Variants in IHO1 observed in about 807,000 individuals in gnomAD.
IHO1 encodes interactor of HORMAD1 protein 1.
Under a neutral mutation model 31.0 loss-of-function variants are expected in IHO1, and 13 were observed. That is an observed-to-expected ratio of 0.42 (90% CI 0.27 to 0.67). IHO1 has a LOEUF of 0.67. IHO1 is among the 30% of genes least tolerant of loss of function. IHO1 has a pLI of 0.24. For missense variants in IHO1, 599 were observed against 687.5 expected, an observed-to-expected ratio of 0.87 and a Z score of 1.44; for synonymous variants, 221 against 248.4, an observed-to-expected ratio of 0.89 and a Z score of 1.04.
At chr3:49,250,894 G>A (rs1169654578) in intron 6 of IHO1, among the ~76,000 whole-genome samples, 3 of 151,922 alleles carry the variant, frequency 2.0e-5, no homozygotes, top group Non-Finnish European at 4.4e-5. Context: ...GCCGGGCGTG[G>A]TGGCGCATGC....
chr3:49,242,403 C>T (rs943845870), intron 4 of IHO1, among the ~76,000 whole-genome samples: 1 of 152,076 alleles, frequency 6.6e-6, no homozygotes, highest in Non-Finnish European at 1.5e-5. Context: ...GCTGGGATTA[C>T]AGGCATGAGC....
chr3:49,237,715 C>T (rs1434995703), intron 3 of IHO1, among the ~76,000 whole-genome samples: 1 of 151,458 alleles, frequency 6.6e-6, no homozygotes, highest in Admixed American at 6.6e-5. Flanking sequence ...TTTAGACAGA[C>T]TTTTTTAAAT....
chr3:49,251,896 T>C (rs2046765136), intron 6 of IHO1, among the ~76,000 whole-genome samples: 1 of 151,416 alleles, frequency 6.6e-6, no homozygotes, highest in African/African-American at 2.4e-5. Context: ...CTACCGTGCC[T>C]GGCCTACTTA....
At chr3:49,221,010 C>G (rs2046349074) in intron 2 of IHO1, among the ~76,000 whole-genome samples, 1 of 152,248 alleles carries the variant, frequency 6.6e-6, no homozygotes, top group Non-Finnish European at 1.5e-5. Flanking sequence ...TGGCCCTGCC[C>G]ACATTCTGCT....
At chr3:49,234,197 G>A (rs765582066) in intron 2 of IHO1, among the ~76,000 whole-genome samples, 30 of 107,706 alleles carry the variant, frequency 2.8e-4, no homozygotes, top group Non-Finnish European at 5.2e-4. Context: ...TTTTTTTGAC[G>A]GAGTCACTCT....
chr3:49,229,977 G>A (rs1310540080), intron 2 of IHO1, among the ~76,000 whole-genome samples: 2 of 152,274 alleles, frequency 1.3e-5, no homozygotes, highest in East Asian at 3.9e-4. Flanking sequence ...GGGACTAGGA[G>A]AAAATTTGCA....
At chr3:49,246,403 G>T (rs538584601) in intron 6 of IHO1, among the ~76,000 whole-genome samples, 1 of 152,242 alleles carries the variant, frequency 6.6e-6, no homozygotes, top group South Asian at 2.1e-4. Flanking sequence ...CCAGCACTTT[G>T]GGAGGCTAAG....
chr3:49,203,309 A>C (rs2046093937), intron 1 of IHO1, among the ~76,000 whole-genome samples: 1 of 152,208 alleles, frequency 6.6e-6, no homozygotes, highest in African/African-American at 2.4e-5. Context: ...GGAAAACAAC[A>C]GTGAGGAGCC....
intron 1 of IHO1, chr3:49,199,869 G>A (rs1333682502): frequency 6.6e-6 from 1 of 152,286 alleles, no homozygotes; most frequent in Admixed American, 6.5e-5. Context: ...AGTGAGACCG[G>A]GTACGCCCCG....
the IHO1 span, among the ~76,000 whole-genome samples, chr3:49,192,291 T>G: frequency 6.6e-6 from 1 of 152,090 alleles, no homozygotes; most frequent in African/African-American, 2.4e-5. Context: ...AGGTGAAATG[T>G]TACAAGGGCC....
intron 4 of IHO1, 150 bp from the exon 5 acceptor site, chr3:49,244,254 A>G (rs1479739623): frequency 1.7e-6 from 1 of 604,366 alleles, no homozygotes; most frequent in Non-Finnish European, 2.9e-6. Flanking sequence ...CTGGGCACTA[A>G]GGTTTCTCAG....
At chr3:49,220,825 G>A (rs1022392659) in intron 2 of IHO1, among the ~76,000 whole-genome samples, 8 of 152,120 alleles carry the variant, frequency 5.3e-5, no homozygotes, top group Admixed American at 1.3e-4. Flanking sequence ...CTGAGATAGC[G>A]CCACTGTACT....
chr3:49,191,633 T>A, the IHO1 span: 7 of 1,230,008 alleles, frequency 5.7e-6, no homozygotes, highest in Non-Finnish European at 8.3e-6. Flanking sequence ...CAGGGTCCTA[T>A]TCCAGGTTGG....
intron 6 of IHO1, among the ~76,000 whole-genome samples, chr3:49,246,169 G>A (rs1294948955): frequency 2.9e-5 from 4 of 138,664 alleles, no homozygotes; most frequent in Non-Finnish European, 4.6e-5. Flanking sequence ...ACGACAGAGC[G>A]AGACTCCGTC....
chr3:49,196,395 T>G (rs1039968609), upstream of IHO1, among the ~76,000 whole-genome samples: 1 of 149,446 alleles, frequency 6.7e-6, no homozygotes, highest in African/African-American at 2.5e-5. Context: ...CTCGGCTCAC[T>G]GCAACCTCCA....
rs560553022 is a variant in IHO1, at chr3:49,225,043, G to A, written c.57-11505G>A. ...AAGACGGCCACTGCCGCAACTACCC[G>A]TAAACAGTGAGGCCAGCCTTTTGCT... is the stretch of plus-strand genomic sequence containing the variant. On this transcript the variant is annotated intron_variant, in intron 2 of 7. Coordinates refer to ENST00000452691, the MANE Select transcript of IHO1 (RefSeq NM_001135197.2). 6.8e-4 allele frequency among the ~76,000 whole-genome samples: 103 copies of A among 152,332 alleles called. 1 individual carries two copies. The highest frequency in any genetic ancestry group is 2.4e-3 in the African/African-American group (101 of 41,566).
At chr3:49,218,365 A>G (rs2046314420) in intron 2 of IHO1, among the ~76,000 whole-genome samples, 1 of 147,280 alleles carries the variant, frequency 6.8e-6, no homozygotes, top group South Asian at 2.2e-4. Context: ...TGTCAGCAGG[A>G]CAGTTAATAC....
chr3:49,216,286 T>C (rs2046285802), intron 2 of IHO1, among the ~76,000 whole-genome samples: 2 of 152,166 alleles, frequency 1.3e-5, no homozygotes, highest in South Asian at 2.1e-4. Flanking sequence ...TATTATTACA[T>C]TGTAATATAT....
At chr3:49,227,996 G>A (rs1415751282) in intron 2 of IHO1, among the ~76,000 whole-genome samples, 1 of 152,194 alleles carries the variant, frequency 6.6e-6, no homozygotes, top group African/African-American at 2.4e-5. Flanking sequence ...GAGTCCTGGA[G>A]TTTATACTAG....
Sources: gnomAD v4.1 joint callset for allele counts (sites outside exome capture counted in the v4.1 genomes callset) on GRCh38, gnomAD v4.1.1 for gene constraint, MANE v1.5 for transcripts, NCBI Gene and HGNC (gene_info 2026-07-23, HGNC 2026-07-21) for gene names.